The following OPRD1 variants were observed in gnomAD, a reference collection of about 807,000 sequenced individuals.
OPRD1 encodes the protein opioid receptor delta 1.
Under a neutral mutation model 17.5 loss-of-function variants are expected in OPRD1, and 19 were observed. The observed-to-expected ratio is 1.09, with a 90% CI of 0.76 to 1.60. OPRD1 has a LOEUF of 1.60. OPRD1 is among the 40% of genes most tolerant of loss of function. The pLI is 0.00. For missense variants in OPRD1, 483 were observed against 547.2 expected, an observed-to-expected ratio of 0.88 and a Z score of 1.17; for synonymous variants, 256 against 240.9, an observed-to-expected ratio of 1.06 and a Z score of -0.58.
Position 28,828,989 on chromosome 1 carries a change from C to CA in OPRD1, c.227+16394dup, listed in dbSNP as rs149592402. Among the ~76,000 whole-genome samples, 343 of 137,386 alleles carry CA rather than the reference C, an allele frequency of 2.5e-3. 1 individual carries two copies. The highest frequency in any genetic ancestry group is 8.7e-3 in the African/African-American group (321 of 37,100). 90.1% of individuals were successfully genotyped at this position (137,386 alleles called of 152,430 possible). A position where few individuals can be genotyped will look rare whatever the true frequency, so the allele number is the denominator to read the frequency against. On this transcript the variant is annotated intron_variant, in intron 1 of 2. Coordinates refer to ENST00000234961, the MANE Select transcript of OPRD1 (RefSeq NM_000911.4). ...TGGGTAACAGAGTGAGACTCTGTCT[C>CA]AAAAAAAAAAAAAAAGGAGAGAGAG...
Position 28,867,506 on chromosome 1 carries a change from A to ATT in OPRD1, c.*4235_*4236dup, listed in dbSNP as rs950493033. The ATT allele has an allele frequency of 1.4e-5, 2 of 146,118 alleles. No individual in the cohort carries two copies. The highest frequency in any genetic ancestry group is 6.8e-5 in the Admixed American group (1 of 14,634). 9.1% of individuals were successfully genotyped at this position (146,118 alleles called of 1,614,324 possible). On this transcript the variant is annotated 3_prime_UTR_variant, in exon 3 of 3. Transcript: ENST00000234961. ...AGGCGTGAGCCACCAAGCCCGGCCA[A>ATT]TTTTTTTTTTTTTCAATAGAGACCA...
intron 1 of OPRD1, among the ~76,000 whole-genome samples, chr1:28,855,395 G>A (rs1278184401): frequency 6.6e-6 from 1 of 152,148 alleles, no homozygotes; most frequent in East Asian, 1.9e-4. Flanking sequence ...AACATGCTGG[G>A]AACTGAGATC....
At chr1:28,819,898 A>C (rs1184321476) in intron 1 of OPRD1, among the ~76,000 whole-genome samples, 1 of 152,202 alleles carries the variant, frequency 6.6e-6, no homozygotes, top group African/African-American at 2.4e-5. Context: ...CATTGGAGCC[A>C]GACTGACCTG....
chr1:28,817,557 C>T (rs2124257100), intron 1 of OPRD1, among the ~76,000 whole-genome samples: 1 of 152,316 alleles, frequency 6.6e-6, no homozygotes, highest in South Asian at 2.1e-4. Context: ...TGTCTCCCTC[C>T]CCTCTCTTGG....
intron 1 of OPRD1, among the ~76,000 whole-genome samples, chr1:28,852,131 C>T (rs2089009581): frequency 6.9e-6 from 1 of 145,682 alleles, no homozygotes; most frequent in African/African-American, 2.5e-5. Flanking sequence ...CACGCAACTG[C>T]CCTCCAGCCT....
chr1:28,834,945 C>A (rs1406939692), intron 1 of OPRD1, among the ~76,000 whole-genome samples: 1 of 152,110 alleles, frequency 6.6e-6, no homozygotes, highest in Non-Finnish European at 1.5e-5. Context: ...CTGTGTGTCC[C>A]CCGCCATTGG....
chr1:28,827,195 C>G (rs1384278719), intron 1 of OPRD1, among the ~76,000 whole-genome samples: 1 of 152,178 alleles, frequency 6.6e-6, no homozygotes, highest in African/African-American at 2.4e-5. Flanking sequence ...ACTAGGGAGG[C>G]TGAGGTGGGG....
At chr1:28,858,021 T>G (rs1242563701) in intron 1 of OPRD1, among the ~76,000 whole-genome samples, 1 of 151,822 alleles carries the variant, frequency 6.6e-6, no homozygotes, top group Non-Finnish European at 1.5e-5. Flanking sequence ...GGTCTCAATC[T>G]CTGGACCTCG....
Position 28,831,774 on chromosome 1 carries a change from G to A in OPRD1, c.227+19164G>A, listed in dbSNP as rs139596443. 5.1e-4 allele frequency among the ~76,000 whole-genome samples: 78 copies of A among 152,106 alleles called. No individual in the cohort carries two copies. The East Asian group carries it at 8.1e-3, about 16-fold the overall frequency. ...GCTGGTCTTGAACTCCTGGGCTCCA[G>A]TGATCCTCCTGCCTTGGCCTCCCAA... On this transcript the variant is annotated intron_variant, in intron 1 of 2. Transcript: ENST00000234961.
chr1:28,853,413 A>G (rs1261300270), intron 1 of OPRD1, among the ~76,000 whole-genome samples: 2 of 152,210 alleles, frequency 1.3e-5, no homozygotes, highest in Admixed American at 6.5e-5. Flanking sequence ...TCCTGGAAAC[A>G]CTGAATGGAC....
intron 1 of OPRD1, among the ~76,000 whole-genome samples, chr1:28,843,333 G>A (rs774704768): frequency 3.3e-5 from 5 of 152,050 alleles, no homozygotes; most frequent in Admixed American, 6.6e-5. Context: ...TAGTTCAGTG[G>A]CATTAAGTAC....
chr1:28,870,309 TGGCGAGATCTC>T lies in OPRD1; in HGVS notation c.*7030_*7040del, dbSNP rs890664499. ...CTCTGTCACCCAGGCTGAAGTGCAATGGCGAGATCTCGGCTCACTGCAACCTCCGCCGCCCG... is the reference window on the plus strand; with the variant it reads ...CTCTGTCACCCAGGCTGAAGTGCAATGGCTCACTGCAACCTCCGCCGCCCG... On this transcript the variant is annotated 3_prime_UTR_variant, in exon 3 of 3. Coordinates refer to ENST00000234961, the MANE Select transcript of OPRD1 (RefSeq NM_000911.4). 1 of 151,188 alleles carries T rather than the reference TGGCGAGATCTC, an allele frequency of 6.6e-6. No homozygotes were observed. The highest frequency in any genetic ancestry group is 2.4e-5 in the African/African-American group (1 of 41,070). 9.4% of individuals were successfully genotyped at this position (151,188 alleles called of 1,614,324 possible). A position where few individuals can be genotyped will look rare whatever the true frequency, so the allele number is the denominator to read the frequency against.
At chr1:28,853,502 C>T (rs16837730) in intron 1 of OPRD1, among the ~76,000 whole-genome samples, 8,515 of 152,282 alleles carry the variant, frequency 0.056, 248 homozygotes, top group South Asian at 0.087. Flanking sequence ...ACCAAATCCA[C>T]GCTTCAACAA....
chr1:28,821,679 C>A (rs2088713034), intron 1 of OPRD1, among the ~76,000 whole-genome samples: 1 of 152,148 alleles, frequency 6.6e-6, no homozygotes, highest in South Asian at 2.1e-4. Flanking sequence ...TTTTTGATGG[C>A]TACATTGCAT....
At chr1:28,849,511 C>T (rs1012052154) in intron 1 of OPRD1, among the ~76,000 whole-genome samples, 3 of 152,174 alleles carry the variant, frequency 2.0e-5, no homozygotes, top group African/African-American at 4.8e-5. Flanking sequence ...CACACATGCA[C>T]ACACACACAC....
intron 2 of OPRD1, among the ~76,000 whole-genome samples, chr1:28,860,590 A>G (rs2089106208): frequency 6.6e-6 from 1 of 152,190 alleles, no homozygotes; most frequent in South Asian, 2.1e-4. Context: ...GGCCCAATGA[A>G]TAATAGCTAT....
chr1:28,840,681 G>A (rs1183689438), intron 1 of OPRD1, among the ~76,000 whole-genome samples: 4 of 152,144 alleles, frequency 2.6e-5, no homozygotes, highest in East Asian at 1.9e-4. Flanking sequence ...CAGCACTTTA[G>A]GAGGCCAAAG....
chr1:28,839,560 A>G (rs1056493155), intron 1 of OPRD1, among the ~76,000 whole-genome samples: 1 of 152,142 alleles, frequency 6.6e-6, no homozygotes, highest in African/African-American at 2.4e-5. Flanking sequence ...CCGTTTGTTC[A>G]GTTTGGTTCC....
chr1:28,863,451 A>G lies in OPRD1; in HGVS notation c.*168A>G. ...GACGGGACCGGGCCGCTAGATGGGCATGGGGTGGGCCTCTGGTTTGGGGCG... is the reference window on the plus strand; with the variant it reads ...GACGGGACCGGGCCGCTAGATGGGCGTGGGGTGGGCCTCTGGTTTGGGGCG... On this transcript the variant is annotated 3_prime_UTR_variant, in exon 3 of 3. Transcript: ENST00000234961. 6.7e-6 allele frequency: 5 copies of G among 745,690 alleles called. No homozygotes were observed. The highest frequency in any genetic ancestry group is 6.4e-5 in the East Asian group (2 of 31,156). The allele number at this position is 745,690 out of a possible 1,614,324, so 46.2% of individuals were successfully genotyped here.
Sources: gnomAD v4.1 joint callset for allele counts (sites outside exome capture counted in the v4.1 genomes callset) on GRCh38, gnomAD v4.1.1 for gene constraint, MANE v1.5 for transcripts, NCBI Gene and HGNC (gene_info 2026-07-23, HGNC 2026-07-21) for gene names.